Variants in SLC14A2 observed in about 807,000 individuals in gnomAD.
SLC14A2 encodes urea transporter 2.
Under a neutral mutation model 104.6 loss-of-function variants are expected in SLC14A2, and 91 were observed. That is an observed-to-expected ratio of 0.87 (90% CI 0.73 to 1.04). The LOEUF (loss-of-function observed/expected upper bound fraction) is 1.04, where lower values mean the gene tolerates loss of function less well. Ranked by LOEUF, SLC14A2 falls within the 50% of genes least tolerant of loss-of-function variation. The pLI is 0.00. For missense variants in SLC14A2, 1,189 were observed against 1,156.0 expected, an observed-to-expected ratio of 1.03 and a Z score of -0.41; for synonymous variants, 476 against 466.4, an observed-to-expected ratio of 1.02 and a Z score of -0.27.
At chr18:45,525,922 G>A (rs565849456) in intron 2 of SLC14A2, among the ~76,000 whole-genome samples, 1 of 152,330 alleles carries the variant, frequency 6.6e-6, no homozygotes, top group South Asian at 2.1e-4. Flanking sequence ...TGCATCTTCA[G>A]ACTCTTTCAT....
At chr18:45,178,256 A>T in the SLC14A2 span, among the ~76,000 whole-genome samples, 2 of 151,882 alleles carry the variant, frequency 1.3e-5, no homozygotes, top group African/African-American at 4.9e-5. Context: ...TAGAAACAAG[A>T]TGAAAATTTG....
At chr18:45,511,097 G>GTT (rs34545088) in intron 2 of SLC14A2, among the ~76,000 whole-genome samples, 73 of 150,696 alleles carry the variant, frequency 4.8e-4, no homozygotes, top group Admixed American at 2.6e-3. Flanking sequence ...TTTTATTGTT[G>GTT]TTTTTTTTTC....
At chr18:45,626,604 C>T (rs1056576303) in intron 3 of SLC14A2, among the ~76,000 whole-genome samples, 1 of 152,270 alleles carries the variant, frequency 6.6e-6, no homozygotes, top group South Asian at 2.1e-4. Flanking sequence ...CCCCACCCCC[C>T]CACCTTCCCC....
intron 10 of SLC14A2, among the ~76,000 whole-genome samples, chr18:45,651,528 G>C (rs1481560089): frequency 6.6e-6 from 1 of 152,182 alleles, no homozygotes; most frequent in African/African-American, 2.4e-5. Context: ...GTGGAGAAAG[G>C]CACTTTTTAA....
intron 2 of SLC14A2, among the ~76,000 whole-genome samples, chr18:45,533,414 G>A (rs1692528269): frequency 6.6e-6 from 1 of 152,096 alleles, no homozygotes; most frequent in Non-Finnish European, 1.5e-5. Context: ...ACTTCTTCCT[G>A]GTTTAGTCTT....
the SLC14A2 span, among the ~76,000 whole-genome samples, chr18:45,193,700 C>T: frequency 9.3e-5 from 14 of 151,186 alleles, no homozygotes; most frequent in East Asian, 2.8e-3. Context: ...CTTCTAGTTT[C>T]TTTGTATTTC....
At chr18:45,402,234 C>A (rs1598760597) in intron 1 of SLC14A2, among the ~76,000 whole-genome samples, 1 of 152,138 alleles carries the variant, frequency 6.6e-6, no homozygotes, top group African/African-American at 2.4e-5. Context: ...CCCCTCCCTT[C>A]CTTTCCTCCT....
At chr18:45,346,080 C>A (rs894093678) in intron 1 of SLC14A2, among the ~76,000 whole-genome samples, 1 of 152,174 alleles carries the variant, frequency 6.6e-6, no homozygotes, top group Non-Finnish European at 1.5e-5. Context: ...AACTTCTATT[C>A]GCACATGTTT....
At chr18:45,346,171 C>G (rs1363205035) in intron 1 of SLC14A2, among the ~76,000 whole-genome samples, 1 of 151,590 alleles carries the variant, frequency 6.6e-6, no homozygotes, top group African/African-American at 2.4e-5. Flanking sequence ...CTTTTTTTTC[C>G]CCTTGAGTTG....
chr18:45,637,582 T>C (rs1239175687), intron 6 of SLC14A2, among the ~76,000 whole-genome samples: 1 of 152,152 alleles, frequency 6.6e-6, no homozygotes, highest in East Asian at 1.9e-4. Flanking sequence ...ACATTTAAAA[T>C]TGGGATTTTA....
intron 1 of SLC14A2, among the ~76,000 whole-genome samples, chr18:45,416,166 C>A (rs1247767086): frequency 6.6e-6 from 1 of 151,214 alleles, no homozygotes; most frequent in Non-Finnish European, 1.5e-5. Context: ...TCTTAGAATT[C>A]ATTTGCCTAT....
chr18:45,559,389 T>G (rs1259216085), intron 2 of SLC14A2, among the ~76,000 whole-genome samples: 2 of 152,056 alleles, frequency 1.3e-5, no homozygotes, highest in African/African-American at 4.8e-5. Flanking sequence ...TAGAGTTGGC[T>G]AGGAAAAAAG....
At chr18:45,417,028 A>G (rs1181400543) in intron 1 of SLC14A2, among the ~76,000 whole-genome samples, 2 of 152,210 alleles carry the variant, frequency 1.3e-5, no homozygotes, top group East Asian at 3.9e-4. Context: ...GATGGACCCT[A>G]GAAAGAAAAT....
At position 45,672,886 on chromosome 18, in the gene SLC14A2, T is replaced by G. The variant is rs192906866; in HGVS notation, c.2230-14T>G. 1,385 of 1,610,468 alleles carry G rather than the reference T, an allele frequency of 8.6e-4. 12 individuals are homozygous for G. The African/African-American group carries it at 0.017, about 20-fold the overall frequency. On this transcript the variant is annotated splice_polypyrimidine_tract_variant and intron_variant, in intron 16 of 19. Transcript: ENST00000255226. Reference sequence around the variant, plus strand: ...TGCCTCCATAATGAGCATGTAATCCTGTTATGCCTACAGCTTTTGAGAGCC... The same window carrying G: ...TGCCTCCATAATGAGCATGTAATCCGGTTATGCCTACAGCTTTTGAGAGCC...
intron 10 of SLC14A2, among the ~76,000 whole-genome samples, chr18:45,654,872 A>G (rs1046810633): frequency 1.3e-5 from 2 of 152,152 alleles, no homozygotes; most frequent in Non-Finnish European, 2.9e-5. Context: ...CCATGACTCT[A>G]TGACCCACAG....
At chr18:45,366,729 G>A (rs1405305206) in intron 1 of SLC14A2, among the ~76,000 whole-genome samples, 1 of 152,122 alleles carries the variant, frequency 6.6e-6, no homozygotes. Flanking sequence ...ATGCTTACCT[G>A]GAGTATGTCT....
chr18:45,458,120 TAGAC>T (rs1568216369), intron 1 of SLC14A2, among the ~76,000 whole-genome samples: 1 of 152,158 alleles, frequency 6.6e-6, no homozygotes, highest in Non-Finnish European at 1.5e-5. Flanking sequence ...TGAAGGGAGA[TAGAC>T]AGAGAAGAAA....
chr18:45,286,932 A>G lies in SLC14A2; in HGVS notation c.-125+73741A>G, dbSNP rs557641599. ...TACATTAAACAGGCCACCCAGCCCC[A>G]GTGTAAAATCAGGGTGACAACTGAA... On this transcript the variant is annotated intron_variant, in intron 1 of 20. Transcript: ENST00000586448. 7.2e-5 allele frequency among the ~76,000 whole-genome samples: 11 copies of G among 152,344 alleles called. No homozygotes were observed. The East Asian group carries it at 1.2e-3, about 16-fold the overall frequency.
At chr18:45,179,238 A>C in the SLC14A2 span, among the ~76,000 whole-genome samples, 1 of 152,012 alleles carries the variant, frequency 6.6e-6, no homozygotes, top group Non-Finnish European at 1.5e-5. Flanking sequence ...CAAACAATCT[A>C]TTTGCATCTA....
Sources: allele counts gnomAD v4.1 joint callset (sites outside exome capture counted in the v4.1 genomes callset), GRCh38; gene constraint gnomAD v4.1.1; transcripts MANE v1.5; gene names NCBI Gene and HGNC (gene_info 2026-07-23, HGNC 2026-07-21).